The following DNAI2 variants were observed in gnomAD, a reference collection of about 807,000 sequenced individuals.
DNAI2 encodes dynein axonemal intermediate chain 2, also known as dynein, axonemal, intermediate polypeptide 2.
A neutral mutation model predicts 74.7 loss-of-function variants in DNAI2; 63 were observed. That is an observed-to-expected ratio of 0.84 (90% CI 0.69 to 1.04). DNAI2 has a LOEUF of 1.04. DNAI2 is among the 50% of genes least tolerant of loss of function. The pLI is 0.00. For synonymous variants in DNAI2, 289 were observed against 314.9 expected, an observed-to-expected ratio of 0.92 and a Z score of 0.87; for missense variants, 688 against 803.2, an observed-to-expected ratio of 0.86 and a Z score of 1.73.
Position 74,305,638 on chromosome 17 carries a change from T to TA in DNAI2, c.1211+201dup, listed in dbSNP as rs1031981296. Among the ~76,000 whole-genome samples, 131 of 150,778 alleles carry TA rather than the reference T, an allele frequency of 8.7e-4. 1 individual carries two copies. The highest frequency in any genetic ancestry group is 3.1e-3 in the African/African-American group (126 of 41,152). ...TGATAAGCTTCAAACACTCAGTTAC[T>TA]AAAAATAATGGCCATGGCTTAATTT... On this transcript the variant is annotated intron_variant, in intron 9 of 13. Transcript: ENST00000311014.
intron 2 of DNAI2, 148 bp from the exon 3 acceptor site, chr17:74,284,892 C>T: frequency 2.9e-6 from 3 of 1,021,936 alleles, no homozygotes; most frequent in Non-Finnish European, 3.0e-6. Flanking sequence ...CAGGAATTTC[C>T]TTGCCTGCAT....
Position 74,291,107 on chromosome 17 carries a change from TGGG to T in DNAI2, c.699_701del (p.Gly235del). On this transcript the variant is annotated inframe_deletion, in exon 6 of 14. Transcript: ENST00000311014. ...AACCCCAAAGATTCCCACGTACTCC[TGGG>T]TGGCTGCTACAATGGACAGATAGGT... 1 of 1,614,152 alleles carries T rather than the reference TGGG, an allele frequency of 6.2e-7. No homozygotes were observed. Among genetic ancestry groups the T allele is most frequent in the South Asian group, 1.1e-5 (1 of 91,086 alleles).
intron 9 of DNAI2, among the ~76,000 whole-genome samples, chr17:74,306,470 T>TA (rs982551837): frequency 1.1e-4 from 17 of 152,056 alleles, no homozygotes; most frequent in African/African-American, 2.9e-4. Context: ...TTTCTCTTGC[T>TA]AAAAAAAACA....
chr17:74,297,531 G>A (rs2052521041), intron 6 of DNAI2, among the ~76,000 whole-genome samples: 2 of 151,804 alleles, frequency 1.3e-5, no homozygotes, highest in South Asian at 4.2e-4. Flanking sequence ...GCTGGTGCAT[G>A]CCACCACGCC....
In DNAI2 at chr17:74,303,633, C is replaced by T. The variant is rs1476860817; in HGVS notation, c.988-1586C>T. Reference sequence around the variant, plus strand: ...TTTTTGAGACAGAGTCTCACTCTTGCCCAGGCTGGAGTGCAGTGACATGAT... The same window carrying T: ...TTTTTGAGACAGAGTCTCACTCTTGTCCAGGCTGGAGTGCAGTGACATGAT... On this transcript the variant is annotated intron_variant, in intron 8 of 13. Coordinates refer to ENST00000311014, the MANE Select transcript of DNAI2 (RefSeq NM_023036.6). Among the ~76,000 whole-genome samples the T allele has an allele frequency of 2.2e-5, 3 of 135,616 alleles. No individual in the cohort carries two copies. In the East Asian group the frequency reaches 6.1e-4, roughly 28 times the overall value. 89.0% of individuals were successfully genotyped at this position (135,616 alleles called of 152,430 possible).
At chr17:74,298,699 C>T (rs2052588260) in intron 6 of DNAI2, among the ~76,000 whole-genome samples, 2 of 152,090 alleles carry the variant, frequency 1.3e-5, no homozygotes, top group South Asian at 4.1e-4. Flanking sequence ...ACCTCCCAGG[C>T]TCAAGCAATT....
At chr17:74,280,733 A>G (rs1259743906) in intron 1 of DNAI2, among the ~76,000 whole-genome samples, 1 of 152,182 alleles carries the variant, frequency 6.6e-6, no homozygotes, top group Non-Finnish European at 1.5e-5. Flanking sequence ...CAGGGAATTT[A>G]GTCCAACATC....
Position 74,314,346 on chromosome 17 carries a change from G to A in DNAI2, c.*55+75G>A, listed in dbSNP as rs1265855118. On this transcript the variant is annotated intron_variant, in intron 13 of 13. Coordinates refer to ENST00000311014, the MANE Select transcript of DNAI2 (RefSeq NM_023036.6). Reference sequence around the variant, plus strand: ...CACTGGGTGGTGGGCTGGGAGCATCGGGCCCTGACTCCCCAGCCCCTACAA... The same window carrying A: ...CACTGGGTGGTGGGCTGGGAGCATCAGGCCCTGACTCCCCAGCCCCTACAA... The A allele has an allele frequency of 1.5e-5, 24 of 1,557,404 alleles. No individual in the cohort carries two copies. The South Asian group carries it at 1.8e-4, about 12-fold the overall frequency.
At chr17:74,301,217 C>A in intron 8 of DNAI2, 49 bp downstream of exon 8, 1 of 1,610,182 alleles carries the variant, frequency 6.2e-7, no homozygotes, top group South Asian at 1.1e-5. Context: ...ACAGGGCAGC[C>A]AGGGCTAAAG....
chr17:74,283,022 G>A (rs532752439), intron 2 of DNAI2, among the ~76,000 whole-genome samples: 5 of 152,324 alleles, frequency 3.3e-5, no homozygotes, highest in African/African-American at 9.6e-5. Context: ...CCCTCCTGTC[G>A]TTTCCAGCAG....
At chr17:74,306,331 T>G (rs2144084302) in intron 9 of DNAI2, among the ~76,000 whole-genome samples, 1 of 152,328 alleles carries the variant, frequency 6.6e-6, no homozygotes, top group East Asian at 1.9e-4. Context: ...TGTCTAAAAG[T>G]GCCCTTTCTC....
chr17:74,295,319 T>C (rs1247371550), intron 6 of DNAI2, among the ~76,000 whole-genome samples: 2 of 151,602 alleles, frequency 1.3e-5, no homozygotes, highest in Non-Finnish European at 2.9e-5. Flanking sequence ...AGAGAATTGC[T>C]TGAACCCAGG....
Position 74,299,787 on chromosome 17 carries a change from C to CT in DNAI2, c.795dup (p.Val266CysfsTer37). ...ACCATTGAGTCCAGCCACCGAGACC[C>CT]TGTGTATGGCACCATCTGGCTGCAG... is the stretch of plus-strand genomic sequence containing the variant. On this transcript the variant is annotated frameshift_variant, in exon 7 of 14. Transcript: ENST00000311014. LOFTEE classifies it high-confidence loss of function. 2 of 1,613,608 alleles carry CT rather than the reference C, an allele frequency of 1.2e-6. No individual in the cohort carries two copies. The highest frequency in any genetic ancestry group is 1.7e-6 in the Non-Finnish European group (2 of 1,180,018).
intron 9 of DNAI2, among the ~76,000 whole-genome samples, chr17:74,305,781 C>T (rs1030528111): frequency 6.6e-6 from 1 of 150,378 alleles, no homozygotes; most frequent in African/African-American, 2.5e-5. Flanking sequence ...AAGAGACTCT[C>T]CTGCCTCAGC....
At chr17:74,308,372 C>T (rs994414110) in intron 9 of DNAI2, among the ~76,000 whole-genome samples, 8 of 152,194 alleles carry the variant, frequency 5.3e-5, no homozygotes, top group Admixed American at 1.3e-4. Context: ...CTTATCTCAG[C>T]GGTAGCAGCT....
intron 8 of DNAI2, among the ~76,000 whole-genome samples, chr17:74,304,186 C>CTTTTTTTTTTTTTTTTTTTTTTT (rs56696514): frequency 1.5e-4 from 10 of 67,630 alleles, no homozygotes; most frequent in East Asian, 4.5e-4. Context: ...TTTCTTTTTT[C>CTTTTTTTTTTTTTTTTTTTTTTT]TTTTTTTTTT....
In DNAI2 at chr17:74,312,024, C is replaced by T. The variant is rs141581673; in HGVS notation, c.1516C>T (p.Arg506Ter). The change falls in exon 12 of 14, where the codon CGA becomes TGA. Residue 506 changes from arginine (R) to a stop codon, truncating the protein, a stop_gained. Coordinates refer to ENST00000311014, the MANE Select transcript of DNAI2 (RefSeq NM_023036.6). LOFTEE classifies it high-confidence loss of function. ...CCAGATGTTTGAGCGTGAGACCCGG[C>T]GAGAGAAGATCCTGGAGGCCAGGCA... ...ASSMFERETR[R>*]EKILEARHRE... 1.6e-5 allele frequency: 25 copies of T among 1,611,590 alleles called. No homozygotes were observed. Among genetic ancestry groups the T allele is most frequent in the African/African-American group, 2.7e-5 (2 of 74,834 alleles).
rs746037775 is a variant in DNAI2 at position 74,305,326 on chromosome 17, C to T, written c.1095C>T (p.Gly365=). ...KIVCTFPGHH[G]PIYALQRNPF... ...TGTGCACCTTCCCGGGCCATCATGG[C>T]CCCATCTACGCCCTCCAGAGAAACC... The change falls in exon 9 of 14, where the codon GGC becomes GGT. Residue 365 remains glycine, a synonymous_variant. Coordinates refer to ENST00000311014, the MANE Select transcript of DNAI2 (RefSeq NM_023036.6). The T allele has an allele frequency of 6.8e-6, 11 of 1,614,158 alleles. No homozygotes were observed. In the South Asian group the frequency reaches 9.9e-5, roughly 14 times the overall value.
chr17:74,303,356 G>T (rs189705639), intron 8 of DNAI2, among the ~76,000 whole-genome samples: 1 of 152,104 alleles, frequency 6.6e-6, no homozygotes, highest in Non-Finnish European at 1.5e-5. Flanking sequence ...GACGGGCGGC[G>T]TGCAGTCGGC....
Sources: gnomAD v4.1 joint callset for allele counts (sites outside exome capture counted in the v4.1 genomes callset) on GRCh38, gnomAD v4.1.1 for gene constraint, MANE v1.5 for transcripts, NCBI Gene and HGNC (gene_info 2026-07-23, HGNC 2026-07-21) for gene names.